The following SPOP variants were observed in gnomAD, a reference collection of about 807,000 sequenced individuals.
SPOP encodes speckle type BTB/POZ protein, also known as speckle-type POZ protein.
Under a neutral mutation model 45.6 loss-of-function variants are expected in SPOP, and 11 were observed. The observed-to-expected ratio is 0.24, with a 90% confidence interval of 0.15 to 0.40. SPOP has a LOEUF of 0.40. Among genes scored for constraint, SPOP ranks in the 10% least tolerant of loss-of-function variants. The pLI, the probability that SPOP is intolerant of heterozygous loss-of-function variation, is 1.00. For missense variants in SPOP, 152 were observed against 465.6 expected (o/e 0.33, Z 6.20); for synonymous variants, 166 against 166.3 (o/e 1.00, Z 0.01).
chr17:49,650,116 C>A (rs1172817333), intron 1 of SPOP, among the ~76,000 whole-genome samples: 16 of 151,748 alleles, frequency 1.1e-4, no homozygotes, highest in Non-Finnish European at 1.0e-4. Context: ...GTCTTGAACT[C>A]CCAACCTCAG....
intron 1 of SPOP, among the ~76,000 whole-genome samples, chr17:49,638,577 C>T (rs1317644787): frequency 1.2e-5 from 1 of 85,652 alleles, no homozygotes; most frequent in Non-Finnish European, 2.2e-5. Flanking sequence ...GAGTGAGACT[C>T]TGTCTCAAAA....
intron 6 of SPOP, 33 bp from the exon 7 acceptor site, chr17:49,607,962 C>T (rs746645590): frequency 1.9e-6 from 3 of 1,604,928 alleles, no homozygotes; most frequent in Non-Finnish European, 2.6e-6. Flanking sequence ...GCAGATAAGG[C>T]TATCACAGTG....
intron 1 of SPOP, among the ~76,000 whole-genome samples, chr17:49,632,990 G>C (rs2072480110): frequency 6.6e-6 from 1 of 152,082 alleles, no homozygotes; most frequent in Non-Finnish European, 1.5e-5. Context: ...TTCTATACCA[G>C]GCTAAGATGT....
chr17:49,655,811 GA>G (rs1254836858), intron 1 of SPOP, among the ~76,000 whole-genome samples: 1 of 152,020 alleles, frequency 6.6e-6, no homozygotes, highest in Non-Finnish European at 1.5e-5. Flanking sequence ...ATTTTCGAAT[GA>G]AAAAAATTTT....
At chr17:49,607,059 A>C in intron 8 of SPOP, 191 bp downstream of exon 8, 6 of 604,590 alleles carry the variant, frequency 9.9e-6, no homozygotes, top group Non-Finnish European at 1.4e-5. Context: ...ACTATTCAAA[A>C]CAGGACACTT....
intron 1 of SPOP, among the ~76,000 whole-genome samples, chr17:49,640,417 C>A (rs1313752573): frequency 6.6e-6 from 1 of 151,816 alleles, no homozygotes; most frequent in African/African-American, 2.4e-5. Flanking sequence ...AGCAGGGCCA[C>A]CCAGGAATAA....
intron 1 of SPOP, among the ~76,000 whole-genome samples, chr17:49,653,307 C>T (rs976640103): frequency 1.4e-4 from 22 of 151,822 alleles, no homozygotes; most frequent in African/African-American, 5.1e-4. Context: ...AGTAAGTTTC[C>T]TTCTAGATTT....
chr17:49,622,532 C>A (rs1467122401), intron 2 of SPOP: 2 of 588,830 alleles, frequency 3.4e-6, no homozygotes, highest in African/African-American at 3.7e-5. Flanking sequence ...TCAACCTCCA[C>A]TGAAAAACAC....
rs141405036 is a variant in SPOP at position 49,609,505 on chromosome 17, G to A, written c.659-1576C>T. Among the ~76,000 whole-genome samples, 173 of 152,230 alleles carry A rather than the reference G, an allele frequency of 1.1e-3. 1 individual carries two copies. The highest frequency in any genetic ancestry group is 3.9e-3 in the African/African-American group (163 of 41,544). ...CAGGGAGAAGAAGTGGAATGAAAAC[G>A]GAACTGAAGCAGATCCTCAGGGCTC... is the stretch of plus-strand genomic sequence containing the variant. On this transcript the variant is annotated intron_variant, in intron 6 of 9. Transcript: ENST00000504102.
intron 8 of SPOP, among the ~76,000 whole-genome samples, chr17:49,606,025 G>C (rs933810745): frequency 4.0e-5 from 6 of 151,394 alleles, no homozygotes; most frequent in Non-Finnish European, 7.4e-5. Context: ...TAAATAGGCA[G>C]TATTTCCCTG....
At chr17:49,669,149 C>T (rs1456232238) in intron 1 of SPOP, among the ~76,000 whole-genome samples, 1 of 148,800 alleles carries the variant, frequency 6.7e-6, no homozygotes, top group Non-Finnish European at 1.5e-5. Flanking sequence ...TCACTGCAAC[C>T]TCCGCCTCCC....
chr17:49,675,117 T>G (rs114053784), intron 1 of SPOP, among the ~76,000 whole-genome samples: 2,144 of 152,298 alleles, frequency 0.014, 62 homozygotes, highest in African/African-American at 0.049. Context: ...ACATTACAAA[T>G]GCACATCCAT....
intron 1 of SPOP, among the ~76,000 whole-genome samples, chr17:49,666,477 AC>A (rs1431882534): frequency 5.5e-4 from 84 of 151,720 alleles, no homozygotes; most frequent in African/African-American, 1.9e-3. Context: ...ACACACACAC[AC>A]ACACACACAC....
At chr17:49,635,229 C>T (rs1015795519) in intron 1 of SPOP, among the ~76,000 whole-genome samples, 1 of 152,164 alleles carries the variant, frequency 6.6e-6, no homozygotes, top group Admixed American at 6.5e-5. Context: ...AAAGGATGGG[C>T]AGGAATTTCT....
intron 8 of SPOP, among the ~76,000 whole-genome samples, chr17:49,603,616 T>C (rs1391144631): frequency 8.5e-5 from 13 of 152,256 alleles, no homozygotes; most frequent in Admixed American, 8.5e-4. Context: ...AGAGAAGCTG[T>C]TTCAGCCTCT....
chr17:49,606,589 G>A (rs1597905450), intron 8 of SPOP, among the ~76,000 whole-genome samples: 1 of 146,906 alleles, frequency 6.8e-6, no homozygotes, highest in African/African-American at 2.5e-5. Context: ...TGCCTCCTGG[G>A]TTCAAGCGAT....
At chr17:49,659,745 C>T (rs1383647882) in intron 1 of SPOP, among the ~76,000 whole-genome samples, 2 of 152,198 alleles carry the variant, frequency 1.3e-5, no homozygotes, top group East Asian at 3.8e-4. Flanking sequence ...GCCTACTTAA[C>T]ATATTTATAC....
At chr17:49,674,480 T>C (rs949185212) in intron 1 of SPOP, among the ~76,000 whole-genome samples, 1 of 152,218 alleles carries the variant, frequency 6.6e-6, no homozygotes, top group African/African-American at 2.4e-5. Context: ...TTCTAGGTTT[T>C]CCAACAAGAC....
At chr17:49,677,166 G>C (rs1191933914) in intron 1 of SPOP, among the ~76,000 whole-genome samples, 1 of 152,132 alleles carries the variant, frequency 6.6e-6, no homozygotes, top group African/African-American at 2.4e-5. Flanking sequence ...GTCTTCTTTA[G>C]CAAGGCTTCC....
Sources: allele counts gnomAD v4.1 joint callset (sites outside exome capture counted in the v4.1 genomes callset), GRCh38; gene constraint gnomAD v4.1.1; transcripts MANE v1.5; gene names NCBI Gene and HGNC (gene_info 2026-07-23, HGNC 2026-07-21).